The following RFX3 variants were observed in gnomAD, a reference collection of about 807,000 sequenced individuals.
The protein encoded by RFX3 is transcription factor RFX3.
Under a neutral mutation model 98.6 loss-of-function variants are expected in RFX3, and 14 were observed. The observed-to-expected ratio is 0.14, with a 90% CI of 0.09 to 0.22. The LOEUF (loss-of-function observed/expected upper bound fraction) is 0.22. RFX3 is among the 10% of genes least tolerant of loss of function. RFX3 has a pLI of 1.00. For synonymous variants in RFX3, 383 were observed against 328.4 expected (o/e 1.17, Z -1.80); for missense variants, 639 against 926.9 (o/e 0.69, Z 4.03).
intron 1 of RFX3, among the ~76,000 whole-genome samples, chr9:3,410,209 G>GTGTGTGTGTGTGTGTGTGTGTGT (rs55715321): frequency 4.7e-5 from 7 of 148,612 alleles, no homozygotes; most frequent in African/African-American, 1.0e-4. Flanking sequence ...GTGTGTGTGT[G>GTGTGTGTGTGTGTGTGTGTGTGT]GCGCTATCAA....
intron 1 of RFX3, among the ~76,000 whole-genome samples, chr9:3,406,918 A>G (rs954034362): frequency 1.3e-5 from 2 of 152,170 alleles, no homozygotes; most frequent in African/African-American, 4.8e-5. Context: ...AGTAAACTCA[A>G]ATGAACGAAT....
At chr9:3,454,603 T>G (rs1846982151) in intron 1 of RFX3, among the ~76,000 whole-genome samples, 2 of 152,300 alleles carry the variant, frequency 1.3e-5, no homozygotes, top group Admixed American at 6.5e-5. Flanking sequence ...TGAGAAGAGA[T>G]AGGGAAATCT....
At chr9:3,347,191 T>C (rs1834532871) in intron 2 of RFX3, among the ~76,000 whole-genome samples, 1 of 151,984 alleles carries the variant, frequency 6.6e-6, no homozygotes. Flanking sequence ...TGTGGCGGCA[T>C]GCGCCTGTAG....
chr9:3,225,333 C>A, intron 16 of RFX3, 53 bp from the exon 17 acceptor site: 1 of 1,597,480 alleles, frequency 6.3e-7, no homozygotes, highest in Non-Finnish European at 8.5e-7. Flanking sequence ...TAGAAAATAG[C>A]AATCAACAGG....
At chr9:3,311,360 G>T (rs909393333) in intron 4 of RFX3, among the ~76,000 whole-genome samples, 1 of 152,164 alleles carries the variant, frequency 6.6e-6, no homozygotes, top group Non-Finnish European at 1.5e-5. Context: ...TTAGAAAAGG[G>T]AATTGTGATG....
chr9:3,436,277 G>A (rs550209602), intron 1 of RFX3, among the ~76,000 whole-genome samples: 79 of 152,070 alleles, frequency 5.2e-4, no homozygotes, highest in African/African-American at 1.8e-3. Flanking sequence ...AGGCTGAAAT[G>A]GGTTTCTGGT....
chr9:3,273,535 A>G (rs1379974000), intron 9 of RFX3, among the ~76,000 whole-genome samples: 1 of 152,166 alleles, frequency 6.6e-6, no homozygotes, highest in Non-Finnish European at 1.5e-5. Flanking sequence ...TTATGCTCCA[A>G]CTTACATTCT....
chr9:3,364,780 A>G (rs1836852241), intron 2 of RFX3: 1 of 152,478 alleles, frequency 6.6e-6, no homozygotes, highest in Admixed American at 6.5e-5. Flanking sequence ...CGTTCTATTG[A>G]AGAATAATTT....
chr9:3,385,627 G>C (rs968315789), intron 2 of RFX3, among the ~76,000 whole-genome samples: 2 of 149,002 alleles, frequency 1.3e-5, no homozygotes, highest in South Asian at 4.2e-4. Context: ...AGAATCACTT[G>C]AACCCAGGAG....
intron 4 of RFX3, among the ~76,000 whole-genome samples, chr9:3,312,332 G>A (rs1310573498): frequency 6.6e-6 from 1 of 152,102 alleles, no homozygotes; most frequent in African/African-American, 2.4e-5. Context: ...ATAAGCAGCT[G>A]AAACAGTATC....
At chr9:3,349,163 A>AT in intron 2 of RFX3, among the ~76,000 whole-genome samples, 1 of 152,130 alleles carries the variant, frequency 6.6e-6, no homozygotes, top group South Asian at 2.1e-4. Flanking sequence ...TCTTGGATAT[A>AT]TTTGTCCATC....
chr9:3,294,055 T>C (rs547719322), intron 5 of RFX3, among the ~76,000 whole-genome samples: 1 of 152,178 alleles, frequency 6.6e-6, no homozygotes, highest in African/African-American at 2.4e-5. Flanking sequence ...CAAAAAAATC[T>C]TTAAAGCACT....
At chr9:3,324,434 G>A (rs1299435956) in intron 4 of RFX3, among the ~76,000 whole-genome samples, 1 of 151,482 alleles carries the variant, frequency 6.6e-6, no homozygotes, top group Non-Finnish European at 1.5e-5. Flanking sequence ...TTTTTCCTCT[G>A]GTAAGATAGA....
At chr9:3,444,502 T>C (rs746998333) in intron 1 of RFX3, among the ~76,000 whole-genome samples, 2 of 152,130 alleles carry the variant, frequency 1.3e-5, no homozygotes, top group Admixed American at 6.6e-5. Flanking sequence ...ACTATCTTGA[T>C]TGTACTGTTA....
intron 2 of RFX3, among the ~76,000 whole-genome samples, chr9:3,379,654 A>G (rs989733926): frequency 6.6e-6 from 1 of 152,152 alleles, no homozygotes; most frequent in African/African-American, 2.4e-5. Context: ...TTTTATCTAA[A>G]TAAGCACATA....
chr9:3,506,454 C>T (rs1587893015), intron 1 of RFX3, among the ~76,000 whole-genome samples: 1 of 151,748 alleles, frequency 6.6e-6, no homozygotes, highest in African/African-American at 2.4e-5. Flanking sequence ...GAAGGAAAAA[C>T]CCAAAGTTTG....
intron 6 of RFX3, among the ~76,000 whole-genome samples, chr9:3,291,817 C>T (rs916500333): frequency 6.6e-6 from 1 of 151,802 alleles, no homozygotes; most frequent in South Asian, 2.1e-4. Context: ...AAACTCTTCA[C>T]TTTGGGAGGC....
At chr9:3,436,293 C>T (rs560805321) in intron 1 of RFX3, among the ~76,000 whole-genome samples, 3 of 151,910 alleles carry the variant, frequency 2.0e-5, no homozygotes, top group Non-Finnish European at 4.4e-5. Context: ...CTGGTAATTA[C>T]AACCAGTATT....
chr9:3,480,397 G>C (rs1427579525), intron 1 of RFX3, among the ~76,000 whole-genome samples: 3 of 152,178 alleles, frequency 2.0e-5, no homozygotes, highest in Non-Finnish European at 4.4e-5. Flanking sequence ...AGCATAAGTT[G>C]TCGGGCCTTT....
Sources: allele counts gnomAD v4.1 joint callset (sites outside exome capture counted in the v4.1 genomes callset), GRCh38; gene constraint gnomAD v4.1.1; transcripts MANE v1.5; gene names NCBI Gene and HGNC (gene_info 2026-07-23, HGNC 2026-07-21).